The following PCDHA1 variants were observed in gnomAD, a reference collection of about 807,000 sequenced individuals.
PCDHA1 encodes the protein protocadherin alpha 1, also known as protocadherin alpha-1.
A neutral mutation model predicts 61.3 loss-of-function variants in PCDHA1; 42 were observed. That is an observed-to-expected ratio of 0.69 (90% CI 0.54 to 0.89). The LOEUF is 0.89. Among genes scored for constraint, PCDHA1 ranks in the 40% least tolerant of loss-of-function variants. The pLI is 0.00. For synonymous variants in PCDHA1, 610 were observed against 553.8 expected (o/e 1.10, Z -1.43); for missense variants, 1,256 against 1,235.3 (o/e 1.02, Z -0.25).
chr5:140,861,529 A>G, intron 1 of PCDHA1: 1 of 450,984 alleles, frequency 2.2e-6, no homozygotes, highest in Non-Finnish European at 4.6e-6. Flanking sequence ...AGGATCTCGG[A>G]GTGCAGCATC....
chr5:140,803,934 C>T, intron 1 of PCDHA1: 1 of 407,172 alleles, frequency 2.5e-6, no homozygotes, highest in Non-Finnish European at 4.4e-6. Flanking sequence ...ATACTTATCC[C>T]TATACAATGC....
intron 3 of PCDHA1, among the ~76,000 whole-genome samples, chr5:141,001,133 A>G (rs2097993653): frequency 6.6e-6 from 1 of 152,034 alleles, no homozygotes; most frequent in Non-Finnish European, 1.5e-5. Flanking sequence ...AAACAAATGA[A>G]TCTTCTGTTG....
At chr5:140,870,370 GT>G in intron 1 of PCDHA1, 1 of 1,614,208 alleles carries the variant, frequency 6.2e-7, no homozygotes. Context: ...CTATGAACTG[GT>G]GGTGACTGCG....
chr5:140,798,565 C>G (rs1267136793), intron 1 of PCDHA1, among the ~76,000 whole-genome samples: 3 of 152,270 alleles, frequency 2.0e-5, no homozygotes, highest in African/African-American at 7.2e-5. Flanking sequence ...TGCAGGCCTC[C>G]CACTGCAGAG....
chr5:140,805,073 A>G (rs1554123237), intron 1 of PCDHA1: 5 of 1,593,516 alleles, frequency 3.1e-6, no homozygotes, highest in South Asian at 2.2e-5. Context: ...TGGAACTTCA[A>G]TCTTCAAATC....
At chr5:140,879,297 A>G (rs573154436) in intron 1 of PCDHA1, among the ~76,000 whole-genome samples, 1 of 152,346 alleles carries the variant, frequency 6.6e-6, no homozygotes, top group African/African-American at 2.4e-5. Flanking sequence ...TAAGAGAAAA[A>G]CAAAAGTAGA....
rs782411315 is a variant in PCDHA1, at chr5:140,883,596, T to G, written c.2394+94912T>G. ...CTGTGGGCCACGGCCAGCGTGTCGG[T>G]GGGGGTGGCCGACGTGAACGACAAC... On this transcript the variant is annotated intron_variant, in intron 1 of 3. Coordinates refer to ENST00000504120, the MANE Select transcript of PCDHA1 (RefSeq NM_018900.4). 1.0e-4 allele frequency: 167 copies of G among 1,613,676 alleles called. No homozygotes were observed. The highest frequency in any genetic ancestry group is 1.6e-4 in the Middle Eastern group (1 of 6,072).
intron 1 of PCDHA1, chr5:140,829,930 C>G (rs2150178008): frequency 1.2e-6 from 2 of 1,613,986 alleles, no homozygotes; most frequent in Non-Finnish European, 1.7e-6. Context: ...AGCTGCAGCC[C>G]CCGGCAAGCA....
chr5:140,907,158 T>C (rs1482177408), intron 1 of PCDHA1, among the ~76,000 whole-genome samples: 1 of 152,146 alleles, frequency 6.6e-6, no homozygotes, highest in Non-Finnish European at 1.5e-5. Flanking sequence ...AACAGTACCA[T>C]ATATTGGATG....
rs151175650 is a variant in PCDHA1 at position 140,807,672 on chromosome 5, T to C, written c.2394+18988T>C. On this transcript the variant is annotated intron_variant, in intron 1 of 3. Transcript: ENST00000504120. ...CTAGAGGGCGCCTCGGATGCAGATA[T>C]CGGGGAGAACGCCCTGCTCACTTAC... 9.9e-5 allele frequency: 160 copies of C among 1,614,086 alleles called. No individual in the cohort carries two copies. The highest frequency in any genetic ancestry group is 1.3e-4 in the Non-Finnish European group (157 of 1,180,036).
intron 3 of PCDHA1, among the ~76,000 whole-genome samples, chr5:140,985,631 T>C (rs551279134): frequency 1.2e-4 from 18 of 152,250 alleles, no homozygotes; most frequent in Admixed American, 1.2e-3. Flanking sequence ...GTATTGCTCT[T>C]CTCATCCCAA....
At chr5:140,799,405 CTT>C (rs1439676067) in intron 1 of PCDHA1, among the ~76,000 whole-genome samples, 6 of 152,028 alleles carry the variant, frequency 3.9e-5, no homozygotes, top group African/African-American at 1.2e-4. Context: ...AAATTTATCT[CTT>C]ATTTTCAAAC....
chr5:140,971,547 C>T (rs904044424), intron 1 of PCDHA1, among the ~76,000 whole-genome samples: 3 of 152,074 alleles, frequency 2.0e-5, no homozygotes, highest in Non-Finnish European at 4.4e-5. Flanking sequence ...GCCAGATCAA[C>T]CTGTTAAATT....
intron 1 of PCDHA1, chr5:140,850,406 G>A (rs1200115176): frequency 1.9e-6 from 3 of 1,597,826 alleles, no homozygotes; most frequent in African/African-American, 1.3e-5. Flanking sequence ...CGCGTGCCCT[G>A]GACGAAACGG....
intron 1 of PCDHA1, chr5:140,822,308 A>G (rs2150115344): frequency 3.1e-6 from 5 of 1,614,222 alleles, no homozygotes; most frequent in Non-Finnish European, 4.2e-6. Flanking sequence ...GAATATTTTG[A>G]CTTAGATGTT....
rs1361440512 is a variant in PCDHA1, at chr5:140,875,201, G to A, written c.2394+86517G>A. 5.0e-5 allele frequency: 30 copies of A among 595,474 alleles called. No homozygotes were observed. The East Asian group carries it at 1.1e-3, about 21-fold the overall frequency. 36.9% of individuals were successfully genotyped at this position (595,474 alleles called of 1,614,324 possible). A position where few individuals can be genotyped will look rare whatever the true frequency, so the allele number is the denominator to read the frequency against. On this transcript the variant is annotated intron_variant, in intron 1 of 3. Coordinates refer to ENST00000504120, the MANE Select transcript of PCDHA1 (RefSeq NM_018900.4). ...AGAATTAAGAGTGACCCAGGAAGTG[G>A]CTAAACCGAAAAGAACCTCAGGATC... is the stretch of plus-strand genomic sequence containing the variant.
chr5:140,796,827 G>T lies in PCDHA1; in HGVS notation c.2394+8143G>T, dbSNP rs781990389. 7 of 1,614,000 alleles carry T rather than the reference G, an allele frequency of 4.3e-6. No individual in the cohort carries two copies. In the South Asian group the frequency reaches 5.5e-5, roughly 13 times the overall value. The stretch of plus-strand genomic sequence containing the variant: ...TGGGTACTGGCAGCGCTCGCATCCC[G>T]TTCCGCGTGGGGCTATACACGGGTG... On this transcript the variant is annotated intron_variant, in intron 1 of 3. Transcript: ENST00000504120.
At chr5:140,955,669 G>C (rs1031483633) in intron 1 of PCDHA1, among the ~76,000 whole-genome samples, 2 of 152,094 alleles carry the variant, frequency 1.3e-5, no homozygotes, top group African/African-American at 4.8e-5. Flanking sequence ...TTTTAACATA[G>C]TTTTTTCGAA....
chr5:140,811,783 C>T (rs1419535185), intron 1 of PCDHA1: 1 of 152,180 alleles, frequency 6.6e-6, no homozygotes, highest in Non-Finnish European at 1.5e-5. Context: ...TGTCTGTTGG[C>T]TGCATAAATG....
Sources: allele counts gnomAD v4.1 joint callset (sites outside exome capture counted in the v4.1 genomes callset), GRCh38; gene constraint gnomAD v4.1.1; transcripts MANE v1.5; gene names NCBI Gene and HGNC (gene_info 2026-07-23, HGNC 2026-07-21).